Variants in QTMAN observed in about 807,000 individuals in gnomAD.
The protein encoded by QTMAN is tRNA-queuosine alpha-mannosyltransferase.
chr2:144,251,180 T>A, the QTMAN span, among the ~76,000 whole-genome samples: 4 of 152,144 alleles, frequency 2.6e-5, no homozygotes, highest in Non-Finnish European at 5.9e-5. Flanking sequence ...ACAAATAATG[T>A]ATTTTTTAAA....
At chr2:144,227,009 T>C in the QTMAN span, among the ~76,000 whole-genome samples, 1 of 152,138 alleles carries the variant, frequency 6.6e-6, no homozygotes, top group African/African-American at 2.4e-5. Context: ...AATTCTATAG[T>C]ACATAATTGT....
chr2:144,284,373 G>A, the QTMAN span, among the ~76,000 whole-genome samples: 3 of 151,806 alleles, frequency 2.0e-5, no homozygotes, highest in African/African-American at 7.2e-5. Flanking sequence ...ACACCTACAT[G>A]ATATATAAAA....
chr2:144,019,237 C>T, the QTMAN span, among the ~76,000 whole-genome samples: 2 of 152,056 alleles, frequency 1.3e-5, no homozygotes, highest in Non-Finnish European at 2.9e-5. Context: ...AATGTTCAAT[C>T]CTCCCTTGCC....
At chr2:144,325,786 C>T in the QTMAN span, among the ~76,000 whole-genome samples, 2 of 152,306 alleles carry the variant, frequency 1.3e-5, no homozygotes, top group East Asian at 3.9e-4. Flanking sequence ...TCATGAGAAA[C>T]TTAATTCAAA....
the QTMAN span, among the ~76,000 whole-genome samples, chr2:144,219,200 G>A: frequency 3.3e-5 from 5 of 151,886 alleles, no homozygotes; most frequent in Non-Finnish European, 5.9e-5. Context: ...GCACCATCTC[G>A]GCTCACTGCA....
the QTMAN span, among the ~76,000 whole-genome samples, chr2:144,180,903 T>C: frequency 6.6e-6 from 1 of 152,196 alleles, no homozygotes; most frequent in Non-Finnish European, 1.5e-5. Context: ...TATAGTGATG[T>C]ACTGGAGGTG....
the QTMAN span, among the ~76,000 whole-genome samples, chr2:144,292,437 T>C: frequency 6.6e-6 from 1 of 152,210 alleles, no homozygotes; most frequent in Admixed American, 6.5e-5. Flanking sequence ...TACAATTTTT[T>C]TTTTCCAGCT....
chr2:144,007,376 G>C, the QTMAN span: 1 of 1,613,150 alleles, frequency 6.2e-7, no homozygotes, highest in East Asian at 2.2e-5. Flanking sequence ...CAGTATCAAG[G>C]CCACAGTGTG....
At chr2:144,074,613 G>A in the QTMAN span, among the ~76,000 whole-genome samples, 1 of 152,084 alleles carries the variant, frequency 6.6e-6, no homozygotes, top group South Asian at 2.1e-4. Context: ...GAAACTTAGA[G>A]GAACTTGAGA....
the QTMAN span, among the ~76,000 whole-genome samples, chr2:144,019,944 A>G: frequency 6.6e-6 from 1 of 152,232 alleles, no homozygotes; most frequent in Non-Finnish European, 1.5e-5. Context: ...TCATTCCATG[A>G]GAAAGGTCAC....
chr2:144,255,672 G>C, the QTMAN span, among the ~76,000 whole-genome samples: 1 of 152,196 alleles, frequency 6.6e-6, no homozygotes. Context: ...AGGATCAGTT[G>C]TTACCAGGGA....
the QTMAN span, among the ~76,000 whole-genome samples, chr2:144,236,796 C>A: frequency 5.3e-5 from 8 of 151,564 alleles, no homozygotes; most frequent in African/African-American, 1.7e-4. Flanking sequence ...CAGAAAGAAA[C>A]AAGGTTAGAG....
the QTMAN span, among the ~76,000 whole-genome samples, chr2:144,201,070 A>G: frequency 3.3e-5 from 5 of 152,252 alleles, no homozygotes; most frequent in Admixed American, 2.0e-4. Flanking sequence ...GACTCTTGTC[A>G]TCATAAAGCT....
At chr2:144,040,186 A>G in the QTMAN span, among the ~76,000 whole-genome samples, 165 of 152,328 alleles carry the variant, frequency 1.1e-3, no homozygotes, top group Admixed American at 3.1e-3. Context: ...CCCAGTATTT[A>G]GTTTTAATTT....
chr2:144,295,517 G>A, the QTMAN span, among the ~76,000 whole-genome samples: 2 of 152,152 alleles, frequency 1.3e-5, no homozygotes, highest in Non-Finnish European at 2.9e-5. Context: ...CCAAAAGATA[G>A]TCAACCTATT....
chr2:143,978,131 C>T, the QTMAN span, among the ~76,000 whole-genome samples: 1 of 152,328 alleles, frequency 6.6e-6, no homozygotes, highest in Non-Finnish European at 1.5e-5. Flanking sequence ...TTCCCATTCT[C>T]ATTTTCTTGG....
chr2:144,312,398 T>G, the QTMAN span, among the ~76,000 whole-genome samples: 1 of 152,054 alleles, frequency 6.6e-6, no homozygotes, highest in Admixed American at 6.5e-5. Context: ...CAAGCAGCCC[T>G]CCTTGGCAGG....
At chr2:144,086,337 G>A in the QTMAN span, among the ~76,000 whole-genome samples, 5 of 152,162 alleles carry the variant, frequency 3.3e-5, no homozygotes, top group Non-Finnish European at 7.3e-5. Context: ...TTTTGAGATA[G>A]GGTCTCGCTG....
the QTMAN span, among the ~76,000 whole-genome samples, chr2:144,292,254 C>G: frequency 6.6e-6 from 1 of 152,282 alleles, no homozygotes; most frequent in South Asian, 2.1e-4. Context: ...AACAGCTCCC[C>G]CTCTGCTCCT....
Sources: allele counts gnomAD v4.1 joint callset (sites outside exome capture counted in the v4.1 genomes callset), GRCh38; gene constraint gnomAD v4.1.1; transcripts MANE v1.5; gene names NCBI Gene and HGNC (gene_info 2026-07-23, HGNC 2026-07-21).